The following FGFR1OP2 variants were observed in gnomAD, a reference collection of about 807,000 sequenced individuals.
The protein encoded by FGFR1OP2 is FGFR1 oncogene partner 2.
Under a neutral mutation model 35.2 loss-of-function variants are expected in FGFR1OP2, and 17 were observed. The observed-to-expected ratio is 0.48, with a 90% CI of 0.33 to 0.73. FGFR1OP2 has a LOEUF of 0.73. Ranked by LOEUF, FGFR1OP2 falls within the 30% of genes least tolerant of loss-of-function variation. FGFR1OP2 has a pLI of 0.02. For synonymous variants in FGFR1OP2, 105 were observed against 104.6 expected (o/e 1.00, Z -0.03); for missense variants, 251 against 307.3 (o/e 0.82, Z 1.37).
chr12:26,946,123 CAGT>C (rs1251929567), intron 1 of FGFR1OP2, among the ~76,000 whole-genome samples: 1 of 152,132 alleles, frequency 6.6e-6, no homozygotes, highest in African/African-American at 2.4e-5. Context: ...AATTTTTCAG[CAGT>C]AAGGGTGGAT....
At chr12:26,947,480 C>G (rs906696918) in intron 1 of FGFR1OP2, among the ~76,000 whole-genome samples, 7 of 152,114 alleles carry the variant, frequency 4.6e-5, no homozygotes, top group African/African-American at 1.7e-4. Flanking sequence ...GTGGCACAGC[C>G]AGGGTTGACT....
chr12:26,949,358 C>T (rs1033976840), intron 1 of FGFR1OP2, among the ~76,000 whole-genome samples: 2 of 152,074 alleles, frequency 1.3e-5, no homozygotes, highest in African/African-American at 4.8e-5. Context: ...TCGCGAACTC[C>T]TGACCTCAGG....
In FGFR1OP2 at chr12:26,964,585, T is replaced by G; in HGVS notation, c.625-11T>G. 1 of 1,608,418 alleles carries G rather than the reference T, an allele frequency of 6.2e-7. No homozygotes were observed. Among genetic ancestry groups the G allele is most frequent in the Non-Finnish European group, 8.5e-7 (1 of 1,175,910 alleles). On this transcript the variant is annotated splice_polypyrimidine_tract_variant and intron_variant, in intron 6 of 6. Transcript: ENST00000229395. Reference sequence around the variant, plus strand: ...ATAGTGACTGCATCTTTGTTTTTGCTTGCCTTTTAGCAAGAAAACAAAGGC... The same window carrying G: ...ATAGTGACTGCATCTTTGTTTTTGCGTGCCTTTTAGCAAGAAAACAAAGGC...
rs1288383519 is a variant in FGFR1OP2 at position 26,965,932 on chromosome 12, G to T, written c.*1199G>T. ...TGTTGTGGTGATTGTATTAAAAAGG[G>T]ATAAAAGAAGAGTGTCAAACATGGT... On this transcript the variant is annotated 3_prime_UTR_variant, in exon 7 of 7. Transcript: ENST00000229395. The T allele has an allele frequency of 6.6e-6, 1 of 151,980 alleles. No individual in the cohort carries two copies. Among genetic ancestry groups the T allele is most frequent in the Non-Finnish European group, 1.5e-5 (1 of 67,960 alleles). 9.4% of individuals were successfully genotyped at this position (151,980 alleles called of 1,614,324 possible). A position where few individuals can be genotyped will look rare whatever the true frequency, so the allele number is the denominator to read the frequency against.
chr12:26,944,168 A>T (rs558134473), intron 1 of FGFR1OP2, among the ~76,000 whole-genome samples: 1 of 152,014 alleles, frequency 6.6e-6, no homozygotes, highest in Admixed American at 6.6e-5. Context: ...TAGTTTTAGG[A>T]GTTCTTTTTT....
intron 1 of FGFR1OP2, among the ~76,000 whole-genome samples, chr12:26,947,975 T>G (rs947990734): frequency 1.3e-5 from 2 of 152,178 alleles, no homozygotes; most frequent in Non-Finnish European, 2.9e-5. Context: ...GTTTTGACTA[T>G]TATCTCTGTG....
chr12:26,939,239 T>A (rs1486058148), intron 1 of FGFR1OP2, among the ~76,000 whole-genome samples: 2 of 152,090 alleles, frequency 1.3e-5, no homozygotes, highest in African/African-American at 2.4e-5. Flanking sequence ...CTGTATTATT[T>A]TTTTTTTCGC....
At chr12:26,954,561 C>T (rs1171845131) in intron 2 of FGFR1OP2, among the ~76,000 whole-genome samples, 1 of 152,168 alleles carries the variant, frequency 6.6e-6, no homozygotes, top group Non-Finnish European at 1.5e-5. Flanking sequence ...GGTCTAGAAA[C>T]ATTTGACAAA....
At chr12:26,950,222 T>G (rs1216493778) in intron 1 of FGFR1OP2, among the ~76,000 whole-genome samples, 1 of 109,254 alleles carries the variant, frequency 9.2e-6, no homozygotes, top group African/African-American at 3.7e-5. Context: ...TGTTTTTTTT[T>G]TTTTTTTTTT....
At chr12:26,957,494 T>G in intron 3 of FGFR1OP2, 107 bp from the exon 4 acceptor site, 1 of 949,776 alleles carries the variant, frequency 1.1e-6, no homozygotes, top group Non-Finnish European at 1.6e-6. Context: ...TTTTTGTGCA[T>G]TGTGTTTTCT....
chr12:26,957,568 A>G, intron 3 of FGFR1OP2, 33 bp from the exon 4 acceptor site: 1 of 1,582,228 alleles, frequency 6.3e-7, no homozygotes, highest in Non-Finnish European at 8.6e-7. Context: ...TTTTAACTCA[A>G]GTTGGAATAA....
At chr12:26,963,911 T>G (rs1488882118) in intron 6 of FGFR1OP2, among the ~76,000 whole-genome samples, 4 of 152,142 alleles carry the variant, frequency 2.6e-5, no homozygotes, top group African/African-American at 9.7e-5. Flanking sequence ...TACAATAGAC[T>G]TTTATGCCTT....
At chr12:26,959,534 A>G (rs1480168868) in intron 4 of FGFR1OP2, among the ~76,000 whole-genome samples, 2 of 152,308 alleles carry the variant, frequency 1.3e-5, no homozygotes, top group South Asian at 2.1e-4. Flanking sequence ...TGCAGGTCCC[A>G]TCTGGTAGCA....
chr12:26,953,665 A>C (rs1938973877), intron 1 of FGFR1OP2: 1 of 152,222 alleles, frequency 6.6e-6, no homozygotes, highest in Non-Finnish European at 1.5e-5. Context: ...GCTGGTCAGC[A>C]GTGTTTGTGA....
intron 1 of FGFR1OP2, among the ~76,000 whole-genome samples, chr12:26,945,586 C>T (rs917099392): frequency 1.8e-4 from 27 of 152,102 alleles, no homozygotes; most frequent in Non-Finnish European, 3.7e-4. Flanking sequence ...ACTGGCTAGG[C>T]GTGGTGGCTC....
In FGFR1OP2 at chr12:26,964,849, C is replaced by T. The variant is rs892373548; in HGVS notation, c.*116C>T. ...TTTCTCTGTAAATATGTACAGTGCACGGGCTATGAGATAGCAACAAAAAAT... is the reference window on the plus strand; with the variant it reads ...TTTCTCTGTAAATATGTACAGTGCATGGGCTATGAGATAGCAACAAAAAAT... On this transcript the variant is annotated 3_prime_UTR_variant, in exon 7 of 7. Transcript: ENST00000229395. 7.1e-5 allele frequency: 79 copies of T among 1,112,346 alleles called. No individual in the cohort carries two copies. Among genetic ancestry groups the T allele is most frequent in the Middle Eastern group, 3.1e-4 (1 of 3,210 alleles). The allele number at this position is 1,112,346 out of a possible 1,614,324, so 68.9% of individuals were successfully genotyped here.
chr12:26,947,786 T>C (rs1415523178), intron 1 of FGFR1OP2, among the ~76,000 whole-genome samples: 1 of 152,208 alleles, frequency 6.6e-6, no homozygotes, highest in East Asian at 1.9e-4. Flanking sequence ...GTCTTAATCT[T>C]ATCTAAATAT....
At chr12:26,957,449 C>G in intron 3 of FGFR1OP2, 152 bp from the exon 4 acceptor site, 1 of 609,908 alleles carries the variant, frequency 1.6e-6, no homozygotes. Context: ...TAATACGGGA[C>G]TTCATTTGGT....
At chr12:26,957,770 A>C (rs1287677338) in intron 4 of FGFR1OP2, 27 bp downstream of exon 4, 1 of 1,564,770 alleles carries the variant, frequency 6.4e-7, no homozygotes, top group Non-Finnish European at 8.6e-7. Context: ...ATGTGACCTG[A>C]AATGGAAAAG....
Sources: allele counts gnomAD v4.1 joint callset (sites outside exome capture counted in the v4.1 genomes callset), GRCh38; gene constraint gnomAD v4.1.1; transcripts MANE v1.5; gene names NCBI Gene and HGNC (gene_info 2026-07-23, HGNC 2026-07-21).